The following RAB33A variants were observed in gnomAD, a reference collection of about 807,000 sequenced individuals.
RAB33A encodes ras-related protein Rab-33A.
In RAB33A, 6 loss-of-function variants were observed where a neutral mutation model predicts 12.0. The ratio of observed to expected loss-of-function variants is 0.50; its 90% CI spans 0.27 to 0.99. RAB33A has a LOEUF of 0.99. Ranked by LOEUF, RAB33A falls within the 50% of genes least tolerant of loss-of-function variation. The pLI is 0.11. For synonymous variants in RAB33A, 70 were observed against 82.4 expected (o/e 0.85, Z 0.81); for missense variants, 109 against 192.0 (o/e 0.57, Z 2.55).
chrX:130,140,931 C>T, the RAB33A span, among the ~76,000 whole-genome samples: 2 of 112,152 alleles, frequency 1.8e-5, no homozygotes, highest in Non-Finnish European at 3.8e-5. Context: ...GCCTGGCCAA[C>T]ATGGCGAAAC....
At chrX:130,170,728 A>C (rs947127183), upstream of RAB33A, among the ~76,000 whole-genome samples, 4 of 112,480 alleles carry the variant, frequency 3.6e-5, no homozygotes, top group East Asian at 1.1e-3. Context: ...TTTGTTCTAC[A>C]TTCAGCTGCA....
upstream of RAB33A, among the ~76,000 whole-genome samples, chrX:130,167,021 G>A (rs1048125725): frequency 8.0e-5 from 9 of 112,152 alleles, no homozygotes; most frequent in African/African-American, 2.3e-4. Flanking sequence ...GTGTAGTGCC[G>A]GACAGAGCAA....
the RAB33A span, among the ~76,000 whole-genome samples, chrX:130,157,681 T>C: frequency 9.0e-6 from 1 of 110,856 alleles, no homozygotes; most frequent in Non-Finnish European, 1.9e-5. Context: ...GTTTAAAAAA[T>C]GTAGGTCAGG....
At chrX:130,152,790 A>G in the RAB33A span, among the ~76,000 whole-genome samples, 1 of 112,015 alleles carries the variant, frequency 8.9e-6, no homozygotes, top group Non-Finnish European at 1.9e-5. Context: ...GAGCAGCAGA[A>G]GCACTGTTGA....
At chrX:130,165,877 G>T in the RAB33A span, 11 of 450,357 alleles carry the variant, frequency 2.4e-5, no homozygotes, top group Admixed American at 2.9e-4. Context: ...CGTAGCACTC[G>T]CTGCCGCATT....
the RAB33A span, chrX:130,147,888 A>G: frequency 7.4e-6 from 9 of 1,209,976 alleles, no homozygotes; most frequent in Non-Finnish European, 8.9e-6. Flanking sequence ...TGAAAGCAAC[A>G]GAACAGACTG....
chrX:130,129,690 C>T, the RAB33A span: 1 of 1,027,220 alleles, frequency 9.7e-7, no homozygotes, highest in Non-Finnish European at 1.4e-6. Flanking sequence ...GCCATGCCCA[C>T]ACAATGGGGC....
At chrX:130,161,288 G>A in the RAB33A span, among the ~76,000 whole-genome samples, 3 of 109,862 alleles carry the variant, frequency 2.7e-5, no homozygotes, top group East Asian at 5.8e-4. Flanking sequence ...CGAGGTGGGC[G>A]GATCACGAGG....
the RAB33A span, among the ~76,000 whole-genome samples, chrX:130,154,748 T>C: frequency 8.9e-6 from 1 of 112,697 alleles, no homozygotes; most frequent in South Asian, 3.7e-4. Context: ...ACACAAACAT[T>C]ACATTTTACC....
At chrX:130,118,139 G>T in the RAB33A span, among the ~76,000 whole-genome samples, 3 of 112,338 alleles carry the variant, frequency 2.7e-5, no homozygotes, top group Non-Finnish European at 5.6e-5. Flanking sequence ...GAATGCCACT[G>T]CCCGGAAGTG....
At chrX:130,117,207 C>T in the RAB33A span, among the ~76,000 whole-genome samples, 3 of 112,156 alleles carry the variant, frequency 2.7e-5, no homozygotes, top group Admixed American at 2.8e-4. Context: ...GAGCAAAAGA[C>T]TCCATCTCAA....
At chrX:130,153,104 G>A in the RAB33A span, among the ~76,000 whole-genome samples, 4 of 106,706 alleles carry the variant, frequency 3.7e-5, no homozygotes, top group East Asian at 1.2e-3. Context: ...AGGCCGAGGC[G>A]GGTGGATCAC....
At chrX:130,153,288 C>T in the RAB33A span, among the ~76,000 whole-genome samples, 1 of 96,662 alleles carries the variant, frequency 1.0e-5, no homozygotes, top group African/African-American at 3.9e-5. Flanking sequence ...GGGAGGCGGA[C>T]GTATCAGTTA....
chrX:130,120,349 G>A, the RAB33A span, among the ~76,000 whole-genome samples: 4 of 111,222 alleles, frequency 3.6e-5, no homozygotes, highest in Admixed American at 1.9e-4. Flanking sequence ...CATGTCGGCC[G>A]AGCCGAGTCT....
upstream of RAB33A, among the ~76,000 whole-genome samples, chrX:130,168,323 T>C (rs900298198): frequency 4.7e-5 from 5 of 107,163 alleles, no homozygotes; most frequent in Admixed American, 4.0e-4. Flanking sequence ...CAAGCAATTC[T>C]CCTGCCTCAG....
the RAB33A span, chrX:130,139,651 C>T: frequency 5.5e-6 from 3 of 546,210 alleles, no homozygotes; most frequent in Admixed American, 7.9e-5. Context: ...GAGGAAGTGA[C>T]TTGTTCAAGG....
intron 1 of RAB33A, among the ~76,000 whole-genome samples, chrX:130,180,543 C>G (rs2031713674): frequency 9.0e-6 from 1 of 111,228 alleles, no homozygotes. Context: ...CAAGCTCCGT[C>G]TTCCGGGCTC....
the RAB33A span, among the ~76,000 whole-genome samples, chrX:130,160,233 T>C: frequency 1.8e-5 from 2 of 111,976 alleles, no homozygotes; most frequent in Non-Finnish European, 3.8e-5. Flanking sequence ...CTTTTCCCTA[T>C]GAAATTCCTC....
intron 1 of RAB33A, among the ~76,000 whole-genome samples, chrX:130,175,226 CCTCACTATCCTACCT>C: frequency 9.0e-6 from 1 of 111,244 alleles, no homozygotes; most frequent in Middle Eastern, 4.6e-3. Context: ...CACTTCGCCA[CCTCACTATCCTACCT>C]TTCCTGTTAC....
Sources: allele counts gnomAD v4.1 joint callset (sites outside exome capture counted in the v4.1 genomes callset), GRCh38; gene constraint gnomAD v4.1.1; transcripts MANE v1.5; gene names NCBI Gene and HGNC (gene_info 2026-07-23, HGNC 2026-07-21).